The following CHCHD3 variants were observed in gnomAD, a reference collection of about 807,000 sequenced individuals.
CHCHD3 encodes coiled-coil-helix-coiled-coil-helix domain containing 3.
In CHCHD3, 20 loss-of-function variants were observed where a neutral mutation model predicts 38.2. The ratio of observed to expected loss-of-function variants is 0.52; its 90% CI spans 0.37 to 0.76. The LOEUF (loss-of-function observed/expected upper bound fraction) is 0.76, where lower values mean the gene tolerates loss of function less well. Among genes scored for constraint, CHCHD3 ranks in the 30% least tolerant of loss-of-function variants. The pLI, the probability that CHCHD3 is intolerant of heterozygous loss-of-function variation, is 0.00. For missense variants in CHCHD3, 245 were observed against 279.2 expected (o/e 0.88, Z 0.87); for synonymous variants, 82 against 100.0 (o/e 0.82, Z 1.07).
intron 2 of CHCHD3, among the ~76,000 whole-genome samples, chr7:133,054,501 GA>G (rs916112023): frequency 1.3e-5 from 2 of 151,802 alleles, no homozygotes; most frequent in African/African-American, 2.4e-5. Flanking sequence ...ATAAAAACAG[GA>G]AAAAAATGCA....
At chr7:132,792,485 A>G (rs1806486905) in intron 7 of CHCHD3, among the ~76,000 whole-genome samples, 1 of 152,186 alleles carries the variant, frequency 6.6e-6, no homozygotes, top group South Asian at 2.1e-4. Flanking sequence ...GCAGCAGACC[A>G]ATCAGAAATG....
At chr7:132,830,857 A>G (rs1807630441) in intron 6 of CHCHD3, 1 of 152,204 alleles carries the variant, frequency 6.6e-6, no homozygotes, top group Admixed American at 6.6e-5. Context: ...CAAAGGGTAC[A>G]GGTATATTTA....
At chr7:132,878,636 T>A (rs1044884403) in intron 5 of CHCHD3, among the ~76,000 whole-genome samples, 1 of 152,212 alleles carries the variant, frequency 6.6e-6, no homozygotes, top group African/African-American at 2.4e-5. Flanking sequence ...TGAGATTTCC[T>A]GCAGTCTGTA....
At chr7:133,043,493 T>C (rs540721111) in intron 2 of CHCHD3, among the ~76,000 whole-genome samples, 1 of 152,110 alleles carries the variant, frequency 6.6e-6, no homozygotes, top group African/African-American at 2.4e-5. Context: ...AATATAAAAA[T>C]TAGCTGGGCG....
At chr7:132,878,886 G>C (rs1808978668) in intron 5 of CHCHD3, among the ~76,000 whole-genome samples, 1 of 152,144 alleles carries the variant, frequency 6.6e-6, no homozygotes, top group African/African-American at 2.4e-5. Flanking sequence ...ATGACAGTTA[G>C]AGACAGGGTT....
chr7:132,906,468 C>T (rs1247354524), intron 4 of CHCHD3, among the ~76,000 whole-genome samples: 1 of 152,156 alleles, frequency 6.6e-6, no homozygotes, highest in Non-Finnish European at 1.5e-5. Context: ...CATTTCATAA[C>T]CTTTTCAAAA....
chr7:133,020,837 T>C (rs559877840), intron 3 of CHCHD3, among the ~76,000 whole-genome samples: 2 of 152,210 alleles, frequency 1.3e-5, no homozygotes, highest in African/African-American at 4.8e-5. Context: ...CCAAAAGTGA[T>C]CCAGAACAAT....
chr7:133,047,499 T>G (rs776846047), intron 2 of CHCHD3, among the ~76,000 whole-genome samples: 1 of 152,236 alleles, frequency 6.6e-6, no homozygotes, highest in Non-Finnish European at 1.5e-5. Context: ...CTCATGACTT[T>G]GTCCTTACCA....
chr7:133,030,288 G>A (rs1282749014), intron 2 of CHCHD3, among the ~76,000 whole-genome samples: 6 of 152,136 alleles, frequency 3.9e-5, no homozygotes, highest in African/African-American at 1.2e-4. Context: ...CTGACCCAAA[G>A]TGCATGAGGG....
chr7:132,975,224 G>A lies in CHCHD3; in HGVS notation c.314C>T (p.Ala105Val). 1.9e-6 allele frequency: 3 copies of A among 1,612,744 alleles called. No homozygotes were observed. The highest frequency in any genetic ancestry group is 2.5e-6 in the Non-Finnish European group (3 of 1,180,026). ...GCTACATATCCTCTCCCGAAGGATGGCTCTGGTTAACTGCTCATTGGCAGC... is the reference window on the plus strand; with the variant it reads ...GCTACATATCCTCTCCCGAAGGATGACTCTGGTTAACTGCTCATTGGCAGC... The part of the protein sequence containing the change: ...RAAANEQLTR[A>V]ILRERICSEE... The change falls in exon 4 of 8, where the codon GCC becomes GTC. Residue 105 changes from alanine (A) to valine (V), a missense_variant. Transcript: ENST00000262570.
intron 5 of CHCHD3, 113 bp downstream of exon 5, chr7:132,885,549 G>A: frequency 1.2e-6 from 1 of 804,300 alleles, no homozygotes; most frequent in Non-Finnish European, 1.9e-6. Context: ...TTCACTTCCT[G>A]GCCACTTTAC....
intron 1 of CHCHD3, among the ~76,000 whole-genome samples, chr7:133,072,482 C>T (rs1284431160): frequency 2.0e-5 from 3 of 152,024 alleles, no homozygotes; most frequent in Admixed American, 2.0e-4. Context: ...AAATAACTGG[C>T]CCTGGATCAG....
chr7:132,879,585 C>T (rs902809679), intron 5 of CHCHD3, among the ~76,000 whole-genome samples: 4 of 151,814 alleles, frequency 2.6e-5, no homozygotes, highest in African/African-American at 9.7e-5. Context: ...CTCTATGACA[C>T]GATAACCACG....
At chr7:132,915,671 A>G (rs938272581) in intron 4 of CHCHD3, among the ~76,000 whole-genome samples, 1 of 152,200 alleles carries the variant, frequency 6.6e-6, no homozygotes, top group African/African-American at 2.4e-5. Flanking sequence ...ATCCCTAAGC[A>G]TTAATCCCAC....
chr7:132,885,784 A>C, intron 4 of CHCHD3, 39 bp from the exon 5 acceptor site: 3 of 1,412,286 alleles, frequency 2.1e-6, no homozygotes, highest in Non-Finnish European at 2.9e-6. Context: ...ATCAAGAAAA[A>C]GCAGCAACAG....
intron 3 of CHCHD3, among the ~76,000 whole-genome samples, chr7:133,006,201 C>T (rs530634313): frequency 4.6e-4 from 70 of 152,278 alleles, no homozygotes; most frequent in African/African-American, 1.6e-3. Flanking sequence ...CGCAGTGGCT[C>T]ACGCCTGTAA....
chr7:132,953,104 CA>C (rs1811070335), intron 4 of CHCHD3, among the ~76,000 whole-genome samples: 1 of 73,244 alleles, frequency 1.4e-5, no homozygotes, highest in South Asian at 4.0e-4. Flanking sequence ...TGTCATCCAT[CA>C]AGGAAAATTC....
intron 2 of CHCHD3, among the ~76,000 whole-genome samples, chr7:133,030,367 G>A (rs2117453901): frequency 6.6e-6 from 1 of 152,266 alleles, no homozygotes; most frequent in Admixed American, 6.5e-5. Flanking sequence ...TCAGCTCCCA[G>A]GATCTGAACA....
At chr7:132,900,538 A>C (rs929863937) in intron 4 of CHCHD3, among the ~76,000 whole-genome samples, 5 of 152,226 alleles carry the variant, frequency 3.3e-5, no homozygotes, top group Non-Finnish European at 7.3e-5. Context: ...GAAAGCCAGC[A>C]CTTTCATCTA....
Sources: allele counts gnomAD v4.1 joint callset (sites outside exome capture counted in the v4.1 genomes callset), GRCh38; gene constraint gnomAD v4.1.1; transcripts MANE v1.5; gene names NCBI Gene and HGNC (gene_info 2026-07-23, HGNC 2026-07-21).